The following COL11A2 variants were observed in gnomAD, a reference collection of about 807,000 sequenced individuals.
COL11A2 encodes collagen alpha-2(XI) chain.
COL11A2 carries 116 observed loss-of-function variants against 273.4 expected under a neutral mutation model. The observed-to-expected ratio is 0.42, with a 90% CI of 0.36 to 0.49. The LOEUF (loss-of-function observed/expected upper bound fraction) is 0.49, where lower values mean the gene tolerates loss of function less well. Ranked by LOEUF, COL11A2 falls within the 20% of genes least tolerant of loss-of-function variation. The pLI, the probability that COL11A2 is intolerant of heterozygous loss-of-function variation, is 0.00. For missense variants in COL11A2, 1,866 were observed against 2,309.0 expected, an observed-to-expected ratio of 0.81 and a Z score of 3.93; for synonymous variants, 782 against 864.2, an observed-to-expected ratio of 0.90 and a Z score of 1.67.
At position 33,176,927 on chromosome 6, in the gene COL11A2, T is replaced by C; in HGVS notation, c.2070+65A>G. The C allele has an allele frequency of 6.4e-7, 1 of 1,571,366 alleles. No homozygotes were observed. The highest frequency in any genetic ancestry group is 8.7e-7 in the Non-Finnish European group (1 of 1,153,160). ...TCAGTGCAAGGGTCACTAAAGGAGC[T>C]CTGAGGTCATGCACTGGGGTGGAAG... On this transcript the variant is annotated intron_variant, in intron 25 of 65. Coordinates refer to ENST00000341947, the MANE Select transcript of COL11A2 (RefSeq NM_080680.3). This position sits in a 1 kb window ranked among gnomAD's most constrained non-coding sequence, Gnocchi z 4.9.
rs564087840 is a variant in COL11A2 at position 33,166,831 on chromosome 6, G to A, written c.4231-4C>T. 7 of 1,613,322 alleles carry A rather than the reference G, an allele frequency of 4.3e-6. No homozygotes were observed. Among genetic ancestry groups the A allele is most frequent in the African/African-American group, 2.7e-5 (2 of 75,032 alleles). On this transcript the variant is annotated splice_region_variant and splice_polypyrimidine_tract_variant and intron_variant, in intron 58 of 65. Coordinates refer to ENST00000341947, the MANE Select transcript of COL11A2 (RefSeq NM_080680.3). The surrounding 1 kb of genome is among the most constrained non-coding windows in gnomAD (Gnocchi z 4.8). Reference sequence around the variant, plus strand: ...GTCCAATGAGACCTGGGTGGCCCTAGAGAAGGGTGCAGGCAGTCAAGAGAA... The same window carrying A: ...GTCCAATGAGACCTGGGTGGCCCTAAAGAAGGGTGCAGGCAGTCAAGAGAA...
At position 33,169,043 on chromosome 6, in the gene COL11A2, G is replaced by T. The variant is rs750223494; in HGVS notation, c.3799-35C>A. 8 of 1,586,742 alleles carry T rather than the reference G, an allele frequency of 5.0e-6. No homozygotes were observed. The highest frequency in any genetic ancestry group is 6.9e-6 in the Non-Finnish European group (8 of 1,165,704). ...ATGGAGAATAAGAGTCAGGGTCACA[G>T]CTCCCTAAGCCCACCCAGCACAGAC... On this transcript the variant is annotated intron_variant, in intron 51 of 65. Transcript: ENST00000341947. This position sits in a 1 kb window ranked among gnomAD's most constrained non-coding sequence, Gnocchi z 5.5.
At chr6:33,180,587 A>G in intron 11 of COL11A2, 81 bp downstream of exon 11, 1 of 1,342,562 alleles carries the variant, frequency 7.4e-7, no homozygotes. Context: ...CTAACAGGAA[A>G]TTACTGGGCA....
In COL11A2 at chr6:33,171,101, A is replaced by T; in HGVS notation, c.3366+13T>A. 6.3e-7 allele frequency: 1 copy of T among 1,574,886 alleles called. No individual in the cohort carries two copies. Among genetic ancestry groups the T allele is most frequent in the Non-Finnish European group, 8.6e-7 (1 of 1,159,416 alleles). On this transcript the variant is annotated intron_variant, in intron 45 of 65. Coordinates refer to ENST00000341947, the MANE Select transcript of COL11A2 (RefSeq NM_080680.3). ...GCTGCTGGGCCTTCGGTGGGGGTGG[A>T]GGGGTCACTCACCGCTGCTCCAGGC...
Position 33,185,787 on chromosome 6 carries a change from G to C in COL11A2, c.799-9C>G, listed in dbSNP as rs567250117. On this transcript the variant is annotated splice_polypyrimidine_tract_variant and intron_variant, in intron 5 of 65. Coordinates refer to ENST00000341947, the MANE Select transcript of COL11A2 (RefSeq NM_080680.3). ...TAGAGAGACTCAGTGGGCTGGGATTGGGGGGTGGGCATAGACAGGAAGGGG... is the reference window on the plus strand; with the variant it reads ...TAGAGAGACTCAGTGGGCTGGGATTCGGGGGTGGGCATAGACAGGAAGGGG... 19 of 1,224,150 alleles carry C rather than the reference G, an allele frequency of 1.6e-5. No individual in the cohort carries two copies. In the African/African-American group the frequency reaches 2.6e-4, roughly 17 times the overall value. The allele number at this position is 1,224,150 out of a possible 1,614,324, so 75.8% of individuals were successfully genotyped here. A position where few individuals can be genotyped will look rare whatever the true frequency, so the allele number is the denominator to read the frequency against.
intron 5 of COL11A2, 54 bp from the exon 6 acceptor site, chr6:33,185,832 T>C: frequency 2.1e-6 from 1 of 473,212 alleles, no homozygotes; most frequent in Non-Finnish European, 3.9e-6. Flanking sequence ...TTGGAAGGTG[T>C]GGGGTGAAGG....
rs61738289 is a variant in COL11A2, at chr6:33,171,770, C to G, written c.3093G>C (p.Pro1031=). The change falls in exon 42 of 66, where the codon CCG becomes CCC. Residue 1031 remains proline, a synonymous_variant. Transcript: ENST00000341947. ...GAAGSGGPIG[P]PGRPGPQGPP... ...GACCCTGCGGGCCTGGGCGCCCTGG[C>G]GGACCAATGGGTCCCCCTGATCCTG... 2 of 1,612,874 alleles carry G rather than the reference C, an allele frequency of 1.2e-6. No individual in the cohort carries two copies. The highest frequency in any genetic ancestry group is 1.7e-6 in the Non-Finnish European group (2 of 1,179,968).
At position 33,163,961 on chromosome 6, in the gene COL11A2, G is replaced by T; in HGVS notation, c.5071-143C>A. ...ATGTACAGACTGGCAGTGTCTATGT[G>T]CCCATGCGTGTGTGTTTGCTTCTCC... On this transcript the variant is annotated intron_variant, in intron 65 of 65. Coordinates refer to ENST00000341947, the MANE Select transcript of COL11A2 (RefSeq NM_080680.3). This position sits in a 1 kb window ranked among gnomAD's most constrained non-coding sequence, Gnocchi z 4.1. 1 of 1,219,352 alleles carries T rather than the reference G, an allele frequency of 8.2e-7. No homozygotes were observed. The allele number at this position is 1,219,352 out of a possible 1,614,324, so 75.5% of individuals were successfully genotyped here. A position where few individuals can be genotyped will look rare whatever the true frequency, so the allele number is the denominator to read the frequency against.
At chr6:33,192,925 G>A (rs537469322), upstream of COL11A2, among the ~76,000 whole-genome samples, 2 of 152,096 alleles carry the variant, frequency 1.3e-5, no homozygotes, top group Non-Finnish European at 2.9e-5. Context: ...GGCCGGGGCG[G>A]GGGTATTTAT....
intron 30 of COL11A2, among the ~76,000 whole-genome samples, chr6:33,175,155 AG>A (rs1770715073): frequency 1.3e-5 from 2 of 152,234 alleles, no homozygotes; most frequent in Admixed American, 6.5e-5. Flanking sequence ...TCAGCAAAAC[AG>A]TACGTCACAT....
chr6:33,186,308 T>A, intron 5 of COL11A2: 1 of 1,069,156 alleles, frequency 9.4e-7, no homozygotes. Flanking sequence ...CTCTCCTACC[T>A]GCCTCCCCAG....
In COL11A2 at chr6:33,166,686, C is replaced by A. The variant is rs1294082215; in HGVS notation, c.4338+34G>T. The A allele has an allele frequency of 6.2e-7, 1 of 1,613,348 alleles. No homozygotes were observed. The highest frequency in any genetic ancestry group is 1.3e-5 in the African/African-American group (1 of 74,876). ...CACCCCTCTCCACCCCACTCTCAAC[C>A]CCCACAACTTCCGGGACCATGCCCT... On this transcript the variant is annotated intron_variant, in intron 59 of 65. Coordinates refer to ENST00000341947, the MANE Select transcript of COL11A2 (RefSeq NM_080680.3). The surrounding 1 kb of genome is among the most constrained non-coding windows in gnomAD (Gnocchi z 4.8).
Position 33,179,529 on chromosome 6 carries a change from G to T in COL11A2, c.1447-42C>A. ...ACAGCAGAGCTGAGGGACAGGCAGT[G>T]GGAACCCCCAGCCCCAGCACTCTCC... is the stretch of plus-strand genomic sequence containing the variant. On this transcript the variant is annotated intron_variant, in intron 13 of 65. Coordinates refer to ENST00000341947, the MANE Select transcript of COL11A2 (RefSeq NM_080680.3). The surrounding 1 kb of genome is among the most constrained non-coding windows in gnomAD (Gnocchi z 6.4). The T allele has an allele frequency of 6.5e-7, 1 of 1,527,892 alleles. No individual in the cohort carries two copies. The highest frequency in any genetic ancestry group is 8.9e-7 in the Non-Finnish European group (1 of 1,125,486). The allele number at this position is 1,527,892 out of a possible 1,614,324, so 94.6% of individuals were successfully genotyped here. A position where few individuals can be genotyped will look rare whatever the true frequency, so the allele number is the denominator to read the frequency against.
rs1258689027 is a variant in COL11A2 at position 33,178,521 on chromosome 6, C to T, written c.1720-33G>A. On this transcript the variant is annotated intron_variant, in intron 18 of 65. Coordinates refer to ENST00000341947, the MANE Select transcript of COL11A2 (RefSeq NM_080680.3). This position sits in a 1 kb window ranked among gnomAD's most constrained non-coding sequence, Gnocchi z 4.6. ...ATGGGGGAACTCATAAGAGGGGCTT[C>T]AGAGCCCCCAACACAGGCAGACACC... The T allele has an allele frequency of 6.2e-7, 1 of 1,612,432 alleles. No individual in the cohort carries two copies.
rs1367103162 is a variant in COL11A2, at chr6:33,185,768, G to A, written c.809C>T (p.Ser270Phe). The change falls in exon 6 of 66, where the codon TCT becomes TTT. Residue 270 changes from serine to phenylalanine, a missense_variant. Ser to Phe is a radical substitution (Grantham distance 155). Transcript: ENST00000341947. ...GGGGGGCTCGTAGTCATAGTAGAGA[G>A]ACTCAGTGGGCTGGGATTGGGGGGT... ...NQEPQSQPTE[S>F]LYYDYEPPYY... The A allele has an allele frequency of 7.5e-7, 1 of 1,331,870 alleles. No individual in the cohort carries two copies. The highest frequency in any genetic ancestry group is 1.5e-5 in the African/African-American group (1 of 66,092). 82.5% of individuals were successfully genotyped at this position (1,331,870 alleles called of 1,614,324 possible). A position where few individuals can be genotyped will look rare whatever the true frequency, so the allele number is the denominator to read the frequency against.
chr6:33,164,068 C>T lies in COL11A2; in HGVS notation c.5070+199G>A, dbSNP rs1424310403. 2.6e-5 allele frequency among the ~76,000 whole-genome samples: 4 copies of T among 152,158 alleles called. No individual in the cohort carries two copies. The highest frequency in any genetic ancestry group is 9.7e-5 in the African/African-American group (4 of 41,418). ...AACCTGTGTGACGCTGGTGTTTGTA[C>T]CCAAGTGAACCTCACCCGATGGCTT... On this transcript the variant is annotated intron_variant, in intron 65 of 65. Transcript: ENST00000341947. The surrounding 1 kb of genome is among the most constrained non-coding windows in gnomAD (Gnocchi z 4.7).
chr6:33,183,182 G>T (rs182334104), intron 8 of COL11A2, among the ~76,000 whole-genome samples: 2 of 152,160 alleles, frequency 1.3e-5, no homozygotes, highest in Non-Finnish European at 1.5e-5. Flanking sequence ...ACAACTAAGG[G>T]ACACAGAACA....
Position 33,164,033 on chromosome 6 carries a change from C to A in COL11A2, c.5071-215G>T, listed in dbSNP as rs374811473. Among the ~76,000 whole-genome samples, 2 of 152,196 alleles carry A rather than the reference C, an allele frequency of 1.3e-5. No homozygotes were observed. The highest frequency in any genetic ancestry group is 4.8e-5 in the African/African-American group (2 of 41,440). On this transcript the variant is annotated intron_variant, in intron 65 of 65. Transcript: ENST00000341947. This position sits in a 1 kb window ranked among gnomAD's most constrained non-coding sequence, Gnocchi z 4.7. ...GCAGCCATGTGCCAGTCTGTGTACA[C>A]GTCTGCATTAACCTGTGTGACGCTG...
Position 33,189,586 on chromosome 6 carries a change from T to A in COL11A2, c.83-117A>T, listed in dbSNP as rs546208135. On this transcript the variant is annotated intron_variant, in intron 1 of 65. Coordinates refer to ENST00000341947, the MANE Select transcript of COL11A2 (RefSeq NM_080680.3). This position sits in a 1 kb window ranked among gnomAD's most constrained non-coding sequence, Gnocchi z 5.6. ...GCTCAAACTCCCTGCAAGGGAAAGG[T>A]CACCTCACCCTCACTTGCTTCTGAA... 1.1e-4 allele frequency: 141 copies of A among 1,326,066 alleles called. No homozygotes were observed. The highest frequency in any genetic ancestry group is 1.4e-4 in the Non-Finnish European group (134 of 950,332). 82.1% of individuals were successfully genotyped at this position (1,326,066 alleles called of 1,614,324 possible). A position where few individuals can be genotyped will look rare whatever the true frequency, so the allele number is the denominator to read the frequency against.
Sources: allele counts gnomAD v4.1 joint callset (sites outside exome capture counted in the v4.1 genomes callset), GRCh38; gene constraint gnomAD v4.1.1; non-coding constraint Gnocchi (gnomAD v3.1); transcripts MANE v1.5; gene names NCBI Gene and HGNC (gene_info 2026-07-23, HGNC 2026-07-21).